Variants in SHROOM3 observed in about 807,000 individuals in gnomAD.
SHROOM3 encodes the protein shroom family member 3.
Under a neutral mutation model 138.6 loss-of-function variants are expected in SHROOM3, and 47 were observed. The ratio of observed to expected loss-of-function variants is 0.34; its 90% confidence interval spans 0.27 to 0.43. The LOEUF (loss-of-function observed/expected upper bound fraction) is 0.43, where lower values mean the gene tolerates loss of function less well. Among genes scored for constraint, SHROOM3 ranks in the 20% least tolerant of loss-of-function variants. The probability of loss-of-function intolerance (pLI) is 1.00; values close to 1 mark genes in which losing one functional copy is unlikely to be tolerated. For synonymous variants in SHROOM3, 1,062 were observed against 1,063.3 expected, an observed-to-expected ratio of 1.00 and a Z score of 0.02; for missense variants, 2,491 against 2,596.5, an observed-to-expected ratio of 0.96 and a Z score of 0.88.
chr4:76,522,149 A>G (rs1002789397), intron 1 of SHROOM3, among the ~76,000 whole-genome samples: 1 of 143,912 alleles, frequency 6.9e-6, no homozygotes, highest in East Asian at 2.2e-4. Flanking sequence ...CCCTGATTGG[A>G]TCTTTTTTTT....
chr4:76,710,319 C>G lies in SHROOM3; in HGVS notation c.455+32C>G, dbSNP rs751851421. The G allele has an allele frequency of 3.1e-6, 5 of 1,612,554 alleles. No individual in the cohort carries two copies. In the Admixed American group the frequency reaches 8.3e-5, roughly 27 times the overall value. Reference sequence around the variant, plus strand: ...CGCACGGAAGTTGGTGCTGGCAGTTCGGAAAAAGAACCCAGTCCAAAAAGC... The same window carrying G: ...CGCACGGAAGTTGGTGCTGGCAGTTGGGAAAAAGAACCCAGTCCAAAAAGC... On this transcript the variant is annotated intron_variant, in intron 3 of 10. Coordinates refer to ENST00000296043, the MANE Select transcript of SHROOM3 (RefSeq NM_020859.4).
intron 1 of SHROOM3, among the ~76,000 whole-genome samples, chr4:76,444,484 CTTTTTTTTTTTTTTTTT>C (rs61655085): frequency 5.0e-5 from 3 of 60,152 alleles, no homozygotes; most frequent in Admixed American, 2.8e-4. Flanking sequence ...CTCTTTCTTT[CTTTTTTTTTTTTTTTTT>C]TTTTTTTTTT....
At position 76,738,978 on chromosome 4, in the gene SHROOM3, A is replaced by G. The variant is rs1015900752; in HGVS notation, c.805A>G (p.Ile269Val). 1.9e-6 allele frequency: 3 copies of G among 1,614,192 alleles called. No individual in the cohort carries two copies. The highest frequency in any genetic ancestry group is 2.5e-6 in the Non-Finnish European group (3 of 1,180,034). The change falls in exon 5 of 11, where the codon ATC (isoleucine) becomes GTC (valine). Residue 269 changes from isoleucine (I) to valine (V), a missense_variant. Transcript: ENST00000296043. ...AYSSFSTSSS[I>V]LEYPHPGISG... is the part of the protein sequence containing the mutation. ...CAGCTCTTTCTCCACCAGTTCTAGC[A>G]TCCTAGAGTATCCACACCCTGGCAT... is the stretch of plus-strand genomic sequence containing the variant.
chr4:76,631,354 C>A (rs533657870), intron 2 of SHROOM3, among the ~76,000 whole-genome samples: 1 of 151,806 alleles, frequency 6.6e-6, no homozygotes, highest in African/African-American at 2.4e-5. Context: ...ATTACAGGTG[C>A]CTGCCACCAC....
intron 2 of SHROOM3, among the ~76,000 whole-genome samples, chr4:76,596,624 A>ACACACACACACT (rs1491306498): frequency 7.1e-5 from 10 of 141,494 alleles, no homozygotes; most frequent in African/African-American, 2.6e-4. Context: ...ACACACACAC[A>ACACACACACACT]CTCTCCAACA....
chr4:76,706,983 A>C (rs189105176), intron 2 of SHROOM3, among the ~76,000 whole-genome samples: 1 of 152,312 alleles, frequency 6.6e-6, no homozygotes, highest in Non-Finnish European at 1.5e-5. Flanking sequence ...AGGATCCTTT[A>C]GGGATCTAGA....
At chr4:76,610,770 G>C (rs1367082269) in intron 2 of SHROOM3, among the ~76,000 whole-genome samples, 1 of 152,106 alleles carries the variant, frequency 6.6e-6, no homozygotes, top group Non-Finnish European at 1.5e-5. Flanking sequence ...AGATCTTAAG[G>C]TTATCTCCCT....
intron 1 of SHROOM3, among the ~76,000 whole-genome samples, chr4:76,512,831 G>A (rs111598257): frequency 1.3e-5 from 2 of 152,240 alleles, no homozygotes; most frequent in African/African-American, 4.8e-5. Flanking sequence ...GACCAACTGG[G>A]GTGAGCTTTA....
At chr4:76,692,788 T>A (rs1038177248) in intron 2 of SHROOM3, among the ~76,000 whole-genome samples, 2 of 152,200 alleles carry the variant, frequency 1.3e-5, no homozygotes, top group Admixed American at 6.5e-5. Context: ...CATGAAGTGC[T>A]AGAATAGGCA....
At chr4:76,761,815 C>T (rs1721995717) in intron 9 of SHROOM3, among the ~76,000 whole-genome samples, 1 of 152,164 alleles carries the variant, frequency 6.6e-6, no homozygotes, top group Non-Finnish European at 1.5e-5. Flanking sequence ...GAAGACAAAA[C>T]CCCACTCAGG....
intron 2 of SHROOM3, among the ~76,000 whole-genome samples, chr4:76,579,673 C>T (rs192547002): frequency 7.0e-4 from 107 of 152,288 alleles, no homozygotes; most frequent in Non-Finnish European, 1.2e-3. Context: ...CCTTGGGGCC[C>T]CACTGTTTCC....
rs187115020 is a variant in SHROOM3, at chr4:76,446,575, T to G, written c.168+10355T>G. 2.8e-3 allele frequency among the ~76,000 whole-genome samples: 422 copies of G among 152,192 alleles called. 3 individuals are homozygous for G. Among genetic ancestry groups the G allele is most frequent in the African/African-American group, 9.9e-3 (409 of 41,496 alleles). On this transcript the variant is annotated intron_variant, in intron 1 of 10. Transcript: ENST00000296043. ...TATATCCCATCACATGGATAGGCCA[T>G]GAAAAAACCTCAACCCCCAAGGCCT...
At chr4:76,553,853 G>A (rs1201442279) in intron 1 of SHROOM3, among the ~76,000 whole-genome samples, 2 of 152,148 alleles carry the variant, frequency 1.3e-5, no homozygotes, top group African/African-American at 2.4e-5. Context: ...CGAATGGAAG[G>A]TGCAGATATT....
At chr4:76,612,871 T>C (rs1319510285) in intron 2 of SHROOM3, among the ~76,000 whole-genome samples, 1 of 152,126 alleles carries the variant, frequency 6.6e-6, no homozygotes. Flanking sequence ...AGCCAGGAGT[T>C]TGAGTTTGCA....
At chr4:76,669,409 T>G (rs913928661) in intron 2 of SHROOM3, among the ~76,000 whole-genome samples, 25 of 152,228 alleles carry the variant, frequency 1.6e-4, no homozygotes, top group African/African-American at 6.0e-4. Flanking sequence ...TCACTTGAGG[T>G]CAGGAGTTCA....
At chr4:76,477,659 A>G (rs1187964950) in intron 1 of SHROOM3, among the ~76,000 whole-genome samples, 3 of 152,218 alleles carry the variant, frequency 2.0e-5, no homozygotes, top group Admixed American at 6.5e-5. Context: ...ATGTTAAAGA[A>G]CAGATGATGT....
chr4:76,467,974 A>G (rs1450198829), intron 1 of SHROOM3, among the ~76,000 whole-genome samples: 2 of 152,344 alleles, frequency 1.3e-5, no homozygotes, highest in South Asian at 2.1e-4. Flanking sequence ...AGGAGGTGGG[A>G]CATAAGGAAA....
intron 2 of SHROOM3, among the ~76,000 whole-genome samples, chr4:76,685,382 A>AC (rs1252787579): frequency 6.9e-6 from 1 of 144,664 alleles, no homozygotes; most frequent in African/African-American, 2.5e-5. Flanking sequence ...AACAAAAAAA[A>AC]ATCACAAAAA....
intron 2 of SHROOM3, among the ~76,000 whole-genome samples, chr4:76,591,783 C>G (rs953959166): frequency 6.6e-6 from 1 of 151,068 alleles, no homozygotes; most frequent in South Asian, 2.1e-4. Flanking sequence ...CTGACTCATA[C>G]CCTCTTTGTG....
Sources: allele counts gnomAD v4.1 joint callset (sites outside exome capture counted in the v4.1 genomes callset), GRCh38; gene constraint gnomAD v4.1.1; transcripts MANE v1.5; gene names NCBI Gene and HGNC (gene_info 2026-07-23, HGNC 2026-07-21).